MEI4: variants seen among roughly 807,000 people sequenced by gnomAD.
MEI4 encodes meiosis-specific protein MEI4.
A neutral mutation model predicts 31.4 loss-of-function variants in MEI4; 27 were observed. That is an observed-to-expected ratio of 0.86 (90% confidence interval 0.63 to 1.19). MEI4 has a LOEUF of 1.19. MEI4 is among the 50% of genes most tolerant of loss of function. The pLI is 0.00. For missense variants in MEI4, 329 were observed against 398.9 expected (o/e 0.82, Z 1.49); for synonymous variants, 122 against 145.4 (o/e 0.84, Z 1.16).
At chr6:77,908,348 G>C (rs1420438802) in intron 4 of MEI4, among the ~76,000 whole-genome samples, 3 of 152,142 alleles carry the variant, frequency 2.0e-5, no homozygotes, top group East Asian at 3.9e-4. Context: ...AAGGGATCCA[G>C]TTTCAGCTTT....
intron 4 of MEI4, among the ~76,000 whole-genome samples, chr6:77,899,944 A>G (rs151184671): frequency 6.6e-6 from 1 of 151,916 alleles, no homozygotes; most frequent in Non-Finnish European, 1.5e-5. Flanking sequence ...AAAAAAAAAC[A>G]GGAAATCCTT....
intron 3 of MEI4, among the ~76,000 whole-genome samples, 167 bp from the exon 4 acceptor site, chr6:77,828,764 C>T (rs1282872147): frequency 6.6e-6 from 1 of 152,070 alleles, no homozygotes; most frequent in Admixed American, 6.6e-5. Flanking sequence ...ATCTTAGAGC[C>T]TAGAATATTA....
At chr6:77,798,910 G>C (rs1769164520) in intron 3 of MEI4, among the ~76,000 whole-genome samples, 1 of 151,608 alleles carries the variant, frequency 6.6e-6, no homozygotes, top group East Asian at 1.9e-4. Context: ...CATTTGGCTT[G>C]GTTCCAAGTC....
At chr6:77,800,046 C>A (rs930338504) in intron 3 of MEI4, among the ~76,000 whole-genome samples, 1 of 151,986 alleles carries the variant, frequency 6.6e-6, no homozygotes, top group African/African-American at 2.4e-5. Flanking sequence ...TCATTGGTAG[C>A]TTGATGGGGA....
chr6:77,862,123 T>C (rs888640894), intron 4 of MEI4, among the ~76,000 whole-genome samples: 1 of 151,384 alleles, frequency 6.6e-6, no homozygotes, highest in Non-Finnish European at 1.5e-5. Flanking sequence ...AGCTCCAGTC[T>C]ACAGCTCCCA....
chr6:77,751,181 G>A (rs904508474), intron 2 of MEI4, among the ~76,000 whole-genome samples: 6 of 151,866 alleles, frequency 4.0e-5, no homozygotes, highest in African/African-American at 1.2e-4. Flanking sequence ...ATCTAAAATC[G>A]ACACCCTAAC....
At chr6:77,673,392 A>G (rs1458483069) in intron 1 of MEI4, among the ~76,000 whole-genome samples, 2 of 152,194 alleles carry the variant, frequency 1.3e-5, no homozygotes, top group Non-Finnish European at 2.9e-5. Flanking sequence ...TGTTACTAAC[A>G]TATTTCTTGC....
chr6:77,652,975 T>C, upstream of MEI4, among the ~76,000 whole-genome samples: 1 of 152,272 alleles, frequency 6.6e-6, no homozygotes, highest in African/African-American at 2.4e-5. Context: ...TTTTCAAGAA[T>C]AGAATGTTTA....
intron 2 of MEI4, among the ~76,000 whole-genome samples, chr6:77,700,600 T>C (rs1479722331): frequency 6.6e-6 from 1 of 152,214 alleles, no homozygotes; most frequent in African/African-American, 2.4e-5. Context: ...GCACCCACTG[T>C]CCTGCACTGA....
rs534336687 is a variant in MEI4 at position 77,682,797 on chromosome 6, C to T, written c.-14-7861C>T. On this transcript the variant is annotated intron_variant, in intron 1 of 4. Transcript: ENST00000684080. ...TCATACTGGAAAGTTTTCTGCCACA[C>T]TTCCAAAATCTGTGTGTCCTTTGAA... Among the ~76,000 whole-genome samples the T allele has an allele frequency of 6.6e-5, 10 of 152,246 alleles. No individual in the cohort carries two copies. The South Asian group carries it at 1.9e-3, about 28-fold the overall frequency.
chr6:77,829,333 C>T (rs1221768774), intron 4 of MEI4, among the ~76,000 whole-genome samples: 2 of 152,144 alleles, frequency 1.3e-5, no homozygotes, highest in Non-Finnish European at 2.9e-5. Flanking sequence ...AGATGAACAG[C>T]TTTAAATCCC....
In MEI4 at chr6:77,712,620, C is replaced by T. The variant is rs186289791; in HGVS notation, c.232+21717C>T. Among the ~76,000 whole-genome samples, 77 of 152,200 alleles carry T rather than the reference C, an allele frequency of 5.1e-4. 2 individuals carry two copies. Among genetic ancestry groups the T allele is most frequent in the African/African-American group, 1.3e-3 (56 of 41,520 alleles). ...ATGATCATAATCAACATTTATCATC[C>T]AGTAGGTGCTCCGTGATTAATTTAG... On this transcript the variant is annotated intron_variant, in intron 2 of 4. Coordinates refer to ENST00000684080, the MANE Select transcript of MEI4 (RefSeq NM_001322247.2).
At chr6:77,706,872 AC>A (rs1766343988) in intron 2 of MEI4, among the ~76,000 whole-genome samples, 2 of 152,272 alleles carry the variant, frequency 1.3e-5, no homozygotes, top group Admixed American at 1.3e-4. Context: ...GGATGCTGCC[AC>A]CATGCTTATA....
chr6:77,861,930 A>G (rs1770875879), intron 4 of MEI4, among the ~76,000 whole-genome samples: 3 of 152,106 alleles, frequency 2.0e-5, no homozygotes. Flanking sequence ...GTTGTTTGTT[A>G]TTATTATCAT....
At chr6:77,741,428 C>T (rs184939114) in intron 2 of MEI4, among the ~76,000 whole-genome samples, 1 of 152,000 alleles carries the variant, frequency 6.6e-6, no homozygotes, top group East Asian at 1.9e-4. Context: ...AACCAGAAGG[C>T]AGTAATCAGC....
At position 77,923,089 on chromosome 6, in the gene MEI4, G is replaced by GAGC; in HGVS notation, c.903_905dup (p.Gln302dup). On this transcript the variant is annotated inframe_insertion and splice_region_variant, in exon 5 of 5. Transcript: ENST00000684080. ...AAAGGAGTTTGTTGTTTATTTGTAGGAGCAAGCCAGTTATGATGTGTCACG... is the reference window on the plus strand; with the variant it reads ...AAAGGAGTTTGTTGTTTATTTGTAGGAGCAGCAAGCCAGTTATGATGTGTCACG... The GAGC allele has an allele frequency of 8.1e-7, 1 of 1,229,696 alleles. No individual in the cohort carries two copies. Among genetic ancestry groups the GAGC allele is most frequent in the Non-Finnish European group, 1.0e-6 (1 of 986,244 alleles). 76.2% of individuals were successfully genotyped at this position (1,229,696 alleles called of 1,614,324 possible). A position where few individuals can be genotyped will look rare whatever the true frequency, so the allele number is the denominator to read the frequency against.
At chr6:77,786,865 TAAC>T (rs1452402605) in intron 3 of MEI4, among the ~76,000 whole-genome samples, 5 of 152,110 alleles carry the variant, frequency 3.3e-5, no homozygotes, top group South Asian at 2.1e-4. Context: ...AAAAGAATAT[TAAC>T]AAAGGAAGTA....
intron 2 of MEI4, among the ~76,000 whole-genome samples, chr6:77,742,185 G>A (rs1045057221): frequency 6.6e-6 from 1 of 151,958 alleles, no homozygotes; most frequent in Non-Finnish European, 1.5e-5. Context: ...AGATCCCTGA[G>A]GAATCGCCAC....
chr6:77,692,040 C>T (rs1413457565), intron 2 of MEI4, among the ~76,000 whole-genome samples: 1 of 152,052 alleles, frequency 6.6e-6, no homozygotes, highest in African/African-American at 2.4e-5. Context: ...GGTGATTTCA[C>T]CTCTACTCAC....
Sources: gnomAD v4.1 joint callset for allele counts (sites outside exome capture counted in the v4.1 genomes callset) on GRCh38, gnomAD v4.1.1 for gene constraint, MANE v1.5 for transcripts, NCBI Gene and HGNC (gene_info 2026-07-23, HGNC 2026-07-21) for gene names.